Variants in XPR1 observed in about 807,000 individuals in gnomAD.
XPR1 encodes the protein xenotropic and polytropic retrovirus receptor 1.
In XPR1, 28 loss-of-function variants were observed where a neutral mutation model predicts 87.5. The observed-to-expected ratio is 0.32, with a 90% CI of 0.24 to 0.44. The LOEUF is 0.44. Ranked by LOEUF, XPR1 falls within the 20% of genes least tolerant of loss-of-function variation. The pLI is 1.00. For synonymous variants in XPR1, 300 were observed against 306.1 expected (o/e 0.98, Z 0.21); for missense variants, 559 against 862.3 (o/e 0.65, Z 4.41).
At chr1:180,856,191 A>G (rs1652025555) in intron 11 of XPR1, among the ~76,000 whole-genome samples, 2 of 152,276 alleles carry the variant, frequency 1.3e-5, no homozygotes, top group East Asian at 1.9e-4. Flanking sequence ...ATTAACACAT[A>G]TTTAGAAACC....
rs572001075 is a variant in XPR1 at position 180,641,281 on chromosome 1, A to C, written c.69+9011A>C. Among the ~76,000 whole-genome samples the C allele has an allele frequency of 2.6e-5, 4 of 152,204 alleles. No individual in the cohort carries two copies. In the East Asian group the frequency reaches 7.7e-4, roughly 29 times the overall value. ...TACCTGGCACATAGTAACAGCAATA[A>C]ATTTCCTATTAAAATTATTTCTTCT... On this transcript the variant is annotated intron_variant, in intron 1 of 14. Transcript: ENST00000367590.
Position 180,880,215 on chromosome 1 carries a change from G to T in XPR1, c.1948G>T (p.Asp650Tyr). 4 of 1,614,184 alleles carry T rather than the reference G, an allele frequency of 2.5e-6. No homozygotes were observed. The highest frequency in any genetic ancestry group is 3.4e-6 in the Non-Finnish European group (4 of 1,180,040). ...TLLEQMMDQD[D>Y]GVRNRQKNRS... is the part of the protein sequence containing the mutation. ...CCTAGAACAGATGATGGACCAGGAT[G>T]ATGGGGTACGAAACCGCCAGAAGAA... The change falls in exon 14 of 15, where the codon GAT becomes TAT. Residue 650 changes from aspartate (D) to tyrosine (Y), a missense_variant. Physicochemically the swap from Asp to Tyr is radical, Grantham distance 160 (BLOSUM62 -3). Transcript: ENST00000367590.
At position 180,766,121 on chromosome 1, in the gene XPR1, T is replaced by A. The variant is rs150073484; in HGVS notation, c.122-21632T>A. Among the ~76,000 whole-genome samples, 4 of 152,324 alleles carry A rather than the reference T, an allele frequency of 2.6e-5. No individual in the cohort carries two copies. In the East Asian group the frequency reaches 7.7e-4, roughly 29 times the overall value. On this transcript the variant is annotated intron_variant, in intron 2 of 14. Coordinates refer to ENST00000367590, the MANE Select transcript of XPR1 (RefSeq NM_004736.4). ...CATCATTCCCTCCTGCCTCCCAATT[T>A]AGTAAATTTTGATTCAGTATTTGTT...
At chr1:180,807,485 A>G (rs181000363) in intron 6 of XPR1, among the ~76,000 whole-genome samples, 37 of 152,354 alleles carry the variant, frequency 2.4e-4, no homozygotes, top group Non-Finnish European at 4.4e-4. Context: ...AATGCTTAGT[A>G]ATAATTCTGA....
intron 13 of XPR1, 21 bp from the exon 14 acceptor site, chr1:180,880,055 G>C (rs748628338): frequency 1.2e-6 from 2 of 1,613,430 alleles, no homozygotes; most frequent in African/African-American, 2.7e-5. Context: ...TAAGTACTTT[G>C]ATCTACCCCA....
chr1:180,800,584 TCTAAC>T (rs1032127379), intron 3 of XPR1, among the ~76,000 whole-genome samples: 16 of 152,240 alleles, frequency 1.1e-4, no homozygotes, highest in African/African-American at 3.1e-4. Context: ...TGCTTGGACT[TCTAAC>T]CTACAAAACG....
At chr1:180,745,899 T>C (rs1557986446) in intron 2 of XPR1, among the ~76,000 whole-genome samples, 1 of 152,348 alleles carries the variant, frequency 6.6e-6, no homozygotes. Context: ...TACTTCACTT[T>C]ATTCAGAACC....
At chr1:180,695,513 A>G (rs571815875) in intron 2 of XPR1, among the ~76,000 whole-genome samples, 30 of 152,114 alleles carry the variant, frequency 2.0e-4, no homozygotes, top group African/African-American at 6.3e-4. Flanking sequence ...TTCTCAGACC[A>G]ATGTTCTGAA....
intron 6 of XPR1, among the ~76,000 whole-genome samples, chr1:180,809,168 T>C (rs1206052435): frequency 1.3e-5 from 2 of 152,154 alleles, no homozygotes; most frequent in Non-Finnish European, 2.9e-5. Flanking sequence ...AGGTACCTAC[T>C]ATATGATATC....
In XPR1 at chr1:180,824,650, A is replaced by G. The variant is rs1650762952; in HGVS notation, c.764-103A>G. Reference sequence around the variant, plus strand: ...TAGGTTTAGGTTTTATTTATGAAAAATTTCTATGCCAGGGCTATATCATTG... The same window carrying G: ...TAGGTTTAGGTTTTATTTATGAAAAGTTTCTATGCCAGGGCTATATCATTG... On this transcript the variant is annotated intron_variant, in intron 7 of 14. Coordinates refer to ENST00000367590, the MANE Select transcript of XPR1 (RefSeq NM_004736.4). 9 of 1,012,262 alleles carry G rather than the reference A, an allele frequency of 8.9e-6. No individual in the cohort carries two copies. In the South Asian group the frequency reaches 1.2e-4, roughly 13 times the overall value. 62.7% of individuals were successfully genotyped at this position (1,012,262 alleles called of 1,614,324 possible). A position where few individuals can be genotyped will look rare whatever the true frequency, so the allele number is the denominator to read the frequency against.
chr1:180,884,083 C>CGTT lies in XPR1; in HGVS notation c.*17_*18insGTT, dbSNP rs929897474. 9 of 1,612,404 alleles carry CGTT rather than the reference C, an allele frequency of 5.6e-6. No individual in the cohort carries two copies. Among genetic ancestry groups the CGTT allele is most frequent in the Middle Eastern group, 3.3e-4 (2 of 6,080 alleles). On this transcript the variant is annotated 3_prime_UTR_variant, in exon 15 of 15. Coordinates refer to ENST00000367590, the MANE Select transcript of XPR1 (RefSeq NM_004736.4). ...AACACTTGAATTTTCTGAAGTCTAGCTTAACATCTTTGGTTTTCCTACTCT... is the reference window on the plus strand; with the variant it reads ...AACACTTGAATTTTCTGAAGTCTAGCGTTTTAACATCTTTGGTTTTCCTACTCT...
intron 11 of XPR1, among the ~76,000 whole-genome samples, chr1:180,848,661 T>C (rs571476815): frequency 1.3e-5 from 2 of 152,296 alleles, no homozygotes; most frequent in African/African-American, 4.8e-5. Flanking sequence ...CTGATTTCTT[T>C]TTCTTTGGAC....
intron 14 of XPR1, 108 bp from the exon 15 acceptor site, chr1:180,883,898 T>G (rs967373187): frequency 5.4e-6 from 5 of 933,226 alleles, no homozygotes; most frequent in Admixed American, 2.2e-5. Context: ...AGTCCCTGTT[T>G]AGGATGTATG....
intron 11 of XPR1, among the ~76,000 whole-genome samples, chr1:180,856,450 C>G (rs1447164522): frequency 6.6e-6 from 1 of 152,192 alleles, no homozygotes; most frequent in East Asian, 1.9e-4. Context: ...CAACCACTGT[C>G]TGTGTGACTC....
At chr1:180,844,129 T>A (rs1651604787) in intron 11 of XPR1, among the ~76,000 whole-genome samples, 1 of 152,140 alleles carries the variant, frequency 6.6e-6, no homozygotes, top group Non-Finnish European at 1.5e-5. Flanking sequence ...GAGAATCATT[T>A]GAACCTGGGA....
intron 1 of XPR1, among the ~76,000 whole-genome samples, chr1:180,679,265 A>G (rs1327626137): frequency 2.0e-5 from 3 of 152,096 alleles, no homozygotes; most frequent in Non-Finnish European, 2.9e-5. Context: ...CCTTTTTGGT[A>G]TTTATATGCT....
At chr1:180,720,432 G>A (rs1658142025) in intron 2 of XPR1, among the ~76,000 whole-genome samples, 1 of 152,108 alleles carries the variant, frequency 6.6e-6, no homozygotes, top group African/African-American at 2.4e-5. Context: ...ATAGGTCATG[G>A]TAATTATCTG....
At chr1:180,659,239 TTCCTTC>T (rs1655661369) in intron 1 of XPR1, among the ~76,000 whole-genome samples, 12 of 22,934 alleles carry the variant, frequency 5.2e-4, no homozygotes, top group Non-Finnish European at 1.3e-3. Context: ...CCTTCCTTCC[TTCCTTC>T]CTTCCTCCCT....
intron 1 of XPR1, among the ~76,000 whole-genome samples, chr1:180,634,516 T>A (rs907366628): frequency 6.6e-6 from 1 of 152,132 alleles, no homozygotes; most frequent in Non-Finnish European, 1.5e-5. Flanking sequence ...TTTAAAACTT[T>A]GGGGAAAAAG....
Sources: allele counts gnomAD v4.1 joint callset (sites outside exome capture counted in the v4.1 genomes callset), GRCh38; gene constraint gnomAD v4.1.1; transcripts MANE v1.5; gene names NCBI Gene and HGNC (gene_info 2026-07-23, HGNC 2026-07-21).